Variants in TBL1X observed in about 807,000 individuals in gnomAD.
TBL1X encodes transducin beta like 1 X-linked.
A neutral mutation model predicts 50.7 loss-of-function variants in TBL1X; 10 were observed. The ratio of observed to expected loss-of-function variants is 0.20; its 90% CI spans 0.12 to 0.33. TBL1X has a LOEUF of 0.33. Ranked by LOEUF, TBL1X falls within the 10% of genes least tolerant of loss-of-function variation. The pLI, the probability that TBL1X is intolerant of heterozygous loss-of-function variation, is 1.00. For synonymous variants in TBL1X, 190 were observed against 214.7 expected, an observed-to-expected ratio of 0.88 and a Z score of 1.01; for missense variants, 340 against 504.4, an observed-to-expected ratio of 0.67 and a Z score of 3.12.
intron 5 of TBL1X, among the ~76,000 whole-genome samples, chrX:9,655,732 T>C (rs765138073): frequency 1.4e-4 from 16 of 112,088 alleles, no homozygotes; most frequent in Admixed American, 3.8e-4. Flanking sequence ...ATGTATTCGA[T>C]TGGAGGGAAA....
intron 1 of TBL1X, among the ~76,000 whole-genome samples, chrX:9,496,518 G>C (rs1230776200): frequency 8.9e-6 from 1 of 112,928 alleles, no homozygotes; most frequent in Non-Finnish European, 1.9e-5. Context: ...ACCCACATTA[G>C]ATTGAACCAA....
intron 3 of TBL1X, among the ~76,000 whole-genome samples, chrX:9,650,459 C>T (rs2082827506): frequency 8.9e-6 from 1 of 112,185 alleles, no homozygotes; most frequent in African/African-American, 3.2e-5. Context: ...CCTCTCTGTG[C>T]CTCAGTTTCC....
At chrX:9,525,603 T>C (rs1353301394) in intron 2 of TBL1X, among the ~76,000 whole-genome samples, 1 of 112,188 alleles carries the variant, frequency 8.9e-6, no homozygotes, top group Middle Eastern at 4.6e-3. Context: ...CAGATTTGAA[T>C]GGAAAAATTG....
intron 2 of TBL1X, among the ~76,000 whole-genome samples, chrX:9,504,983 G>GAA (rs1234673538): frequency 2.2e-4 from 24 of 111,433 alleles, no homozygotes; most frequent in African/African-American, 5.5e-4. Context: ...TACTCTATGA[G>GAA]ACGATCAACC....
intron 2 of TBL1X, among the ~76,000 whole-genome samples, chrX:9,562,303 A>G (rs997913373): frequency 3.6e-5 from 4 of 112,322 alleles, no homozygotes; most frequent in African/African-American, 1.3e-4. Context: ...CTCTCACTAA[A>G]GATTAGTTTC....
intron 1 of TBL1X, among the ~76,000 whole-genome samples, chrX:9,467,593 C>T (rs1179238102): frequency 9.1e-6 from 1 of 110,265 alleles, no homozygotes; most frequent in Non-Finnish European, 1.9e-5. Context: ...ACCCAGGAAG[C>T]AACACTAAAG....
At chrX:9,704,367 C>T (rs1186156928) in intron 12 of TBL1X, among the ~76,000 whole-genome samples, 3 of 111,838 alleles carry the variant, frequency 2.7e-5, no homozygotes, top group East Asian at 2.8e-4. Flanking sequence ...GCAGAGATGC[C>T]GCTGGAAGCA....
chrX:9,475,242 T>C (rs1403597681), intron 1 of TBL1X, among the ~76,000 whole-genome samples: 1 of 111,515 alleles, frequency 9.0e-6, no homozygotes, highest in East Asian at 2.8e-4. Context: ...CATTTCTCAT[T>C]GGTGTTTTTT....
chrX:9,626,266 CAG>C (rs1188330050), intron 2 of TBL1X, among the ~76,000 whole-genome samples: 1 of 112,016 alleles, frequency 8.9e-6, no homozygotes, highest in Non-Finnish European at 1.9e-5. Flanking sequence ...ACTAAAGTCA[CAG>C]GGGACCATCA....
intron 1 of TBL1X, among the ~76,000 whole-genome samples, chrX:9,470,033 TAAG>T (rs1029793830): frequency 1.7e-4 from 19 of 112,819 alleles, no homozygotes; most frequent in African/African-American, 5.8e-4. Context: ...CTCCTTAATG[TAAG>T]AAACCACAGT....
chrX:9,660,319 AAAAG>A (rs1328096615), intron 5 of TBL1X, among the ~76,000 whole-genome samples: 2 of 112,796 alleles, frequency 1.8e-5, no homozygotes, highest in Non-Finnish European at 3.7e-5. Context: ...GTACTGAAGA[AAAAG>A]AAACACAAGT....
At chrX:9,676,765 A>C (rs929355295) in intron 5 of TBL1X, among the ~76,000 whole-genome samples, 1 of 112,205 alleles carries the variant, frequency 8.9e-6, no homozygotes, top group Non-Finnish European at 1.9e-5. Flanking sequence ...ATATAAACAC[A>C]TTAAAATGGA....
At chrX:9,585,345 C>A (rs959340798) in intron 2 of TBL1X, among the ~76,000 whole-genome samples, 10 of 93,669 alleles carry the variant, frequency 1.1e-4, no homozygotes, top group African/African-American at 3.9e-4. Context: ...TCCCCTCCCC[C>A]CCCCGCCACA....
chrX:9,563,595 A>G (rs1313253324), intron 2 of TBL1X, among the ~76,000 whole-genome samples: 1 of 112,720 alleles, frequency 8.9e-6, no homozygotes, highest in Non-Finnish European at 1.9e-5. Flanking sequence ...TATGGTAGCC[A>G]CCAGCTGTAC....
At chrX:9,599,410 G>A (rs1457198482) in intron 2 of TBL1X, among the ~76,000 whole-genome samples, 8 of 112,341 alleles carry the variant, frequency 7.1e-5, no homozygotes, top group African/African-American at 9.7e-5. Context: ...CCATAACACC[G>A]TCAATTAAAA....
intron 2 of TBL1X, among the ~76,000 whole-genome samples, chrX:9,581,148 T>A (rs1292508355): frequency 8.9e-6 from 1 of 112,067 alleles, no homozygotes; most frequent in Admixed American, 9.4e-5. Context: ...CCATCATGTG[T>A]CCCTAGGAAT....
rs760324690 is a variant in TBL1X, at chrX:9,718,975, C to T, written c.*2729C>T. The T allele has an allele frequency of 8.9e-6, 1 of 112,463 alleles. No individual in the cohort carries two copies. The highest frequency in any genetic ancestry group is 3.7e-4 in the South Asian group (1 of 2,702). 9.3% of individuals were successfully genotyped at this position (112,463 alleles called of 1,213,427 possible). A position where few individuals can be genotyped will look rare whatever the true frequency, so the allele number is the denominator to read the frequency against. ...GTTTTCAGAGCCTCCAGCATTTGCA[C>T]ACCACTACTCACCCTCTCTGCTGCT... On this transcript the variant is annotated 3_prime_UTR_variant, in exon 18 of 18. Transcript: ENST00000645353.
intron 3 of TBL1X, among the ~76,000 whole-genome samples, chrX:9,648,530 T>G (rs1311526735): frequency 8.9e-6 from 1 of 112,172 alleles, no homozygotes; most frequent in Non-Finnish European, 1.9e-5. Flanking sequence ...CACCCAGAGC[T>G]CCTGTGCTTC....
intron 2 of TBL1X, among the ~76,000 whole-genome samples, chrX:9,622,505 G>A (rs943289957): frequency 9.0e-6 from 1 of 111,199 alleles, no homozygotes; most frequent in African/African-American, 3.3e-5. Flanking sequence ...ACCCAGGCTG[G>A]AGTGCAGTGG....
Sources: allele counts gnomAD v4.1 joint callset (sites outside exome capture counted in the v4.1 genomes callset), GRCh38; gene constraint gnomAD v4.1.1; transcripts MANE v1.5; gene names NCBI Gene and HGNC (gene_info 2026-07-23, HGNC 2026-07-21).